IL1RAPL1: variants seen among roughly 807,000 people sequenced by gnomAD.
IL1RAPL1 encodes the protein interleukin-1 receptor accessory protein-like 1.
A neutral mutation model predicts 48.4 loss-of-function variants in IL1RAPL1; 3 were observed. The observed-to-expected ratio is 0.06, with a 90% CI of 0.03 to 0.16. The LOEUF (loss-of-function observed/expected upper bound fraction) is 0.16. Ranked by LOEUF, IL1RAPL1 falls within the 10% of genes least tolerant of loss-of-function variation. The pLI, the probability that IL1RAPL1 is intolerant of heterozygous loss-of-function variation, is 1.00. For missense variants in IL1RAPL1, 349 were observed against 530.6 expected, an observed-to-expected ratio of 0.66 and a Z score of 3.36; for synonymous variants, 185 against 187.7, an observed-to-expected ratio of 0.99 and a Z score of 0.12.
At chrX:28,986,940 G>T (rs1601997357) in intron 2 of IL1RAPL1, among the ~76,000 whole-genome samples, 1 of 111,998 alleles carries the variant, frequency 8.9e-6, no homozygotes, top group East Asian at 2.8e-4. Flanking sequence ...TATATGCAAA[G>T]TTCTGTTTCA....
At chrX:29,499,490 AT>A (rs1165634997) in intron 5 of IL1RAPL1, among the ~76,000 whole-genome samples, 1 of 111,859 alleles carries the variant, frequency 8.9e-6, no homozygotes, top group East Asian at 2.8e-4. Context: ...TAGAACTGTT[AT>A]TCACATATTT....
intron 5 of IL1RAPL1, among the ~76,000 whole-genome samples, chrX:29,431,430 G>A (rs369433074): frequency 1.8e-5 from 2 of 111,950 alleles, no homozygotes; most frequent in African/African-American, 3.2e-5. Flanking sequence ...TAGATTTCTT[G>A]TGCTGCAGTA....
intron 2 of IL1RAPL1, among the ~76,000 whole-genome samples, chrX:28,925,814 G>A (rs1323707105): frequency 1.8e-5 from 2 of 111,040 alleles, no homozygotes; most frequent in African/African-American, 6.6e-5. Flanking sequence ...CCAGCTACTC[G>A]GGAGGCTGAG....
chrX:29,432,681 TA>T (rs1458355951), intron 5 of IL1RAPL1, among the ~76,000 whole-genome samples: 3 of 111,841 alleles, frequency 2.7e-5, no homozygotes, highest in Non-Finnish European at 5.7e-5. Flanking sequence ...AAGGAATAGA[TA>T]AGTGGAGAGA....
At chrX:28,872,528 C>T (rs1922233265) in intron 2 of IL1RAPL1, among the ~76,000 whole-genome samples, 1 of 112,043 alleles carries the variant, frequency 8.9e-6, no homozygotes, top group African/African-American at 3.2e-5. Flanking sequence ...AACTCTGGGC[C>T]CACTGCCTAG....
chrX:29,178,663 C>T (rs1930080348), intron 2 of IL1RAPL1, among the ~76,000 whole-genome samples: 1 of 111,723 alleles, frequency 9.0e-6, no homozygotes, highest in Admixed American at 9.6e-5. Context: ...GTCATGAAGT[C>T]CTTGCCCATG....
At chrX:29,055,798 A>C (rs1033435247) in intron 2 of IL1RAPL1, among the ~76,000 whole-genome samples, 1 of 112,062 alleles carries the variant, frequency 8.9e-6, no homozygotes, top group Admixed American at 9.5e-5. Context: ...CACAGTGTAT[A>C]GCTTATAAGT....
intron 2 of IL1RAPL1, among the ~76,000 whole-genome samples, chrX:28,824,467 C>T (rs748158337): frequency 2.1e-4 from 23 of 110,574 alleles, no homozygotes; most frequent in Non-Finnish European, 4.0e-4. Flanking sequence ...TGTCTCAACC[C>T]CTTTTAAATT....
At chrX:29,006,990 G>T (rs1397378888) in intron 2 of IL1RAPL1, among the ~76,000 whole-genome samples, 1 of 110,865 alleles carries the variant, frequency 9.0e-6, no homozygotes, top group Admixed American at 9.7e-5. Flanking sequence ...TCAAAATTTG[G>T]AATTTGACTC....
chrX:29,817,919 T>C (rs1930531530), intron 6 of IL1RAPL1, among the ~76,000 whole-genome samples: 1 of 111,898 alleles, frequency 8.9e-6, no homozygotes, highest in South Asian at 3.7e-4. Context: ...AAAGGTAACC[T>C]ATTTTTTCTT....
At chrX:29,759,064 A>G (rs1432482272) in intron 6 of IL1RAPL1, among the ~76,000 whole-genome samples, 1 of 112,485 alleles carries the variant, frequency 8.9e-6, no homozygotes, top group East Asian at 2.8e-4. Flanking sequence ...TACATTGGAC[A>G]GTAATGTCAT....
intron 2 of IL1RAPL1, among the ~76,000 whole-genome samples, chrX:29,085,583 C>T (rs977691952): frequency 4.5e-5 from 5 of 112,070 alleles, no homozygotes; most frequent in Non-Finnish European, 7.5e-5. Context: ...CTTTTAAAAT[C>T]AGAGCATACC....
At chrX:29,768,934 C>T (rs531506246) in intron 6 of IL1RAPL1, among the ~76,000 whole-genome samples, 3 of 111,146 alleles carry the variant, frequency 2.7e-5, no homozygotes, top group Admixed American at 1.9e-4. Context: ...CTGCTCAGGC[C>T]GCATCATCTT....
At chrX:29,838,214 A>T (rs1008805985) in intron 6 of IL1RAPL1, among the ~76,000 whole-genome samples, 5 of 112,150 alleles carry the variant, frequency 4.5e-5, no homozygotes, top group Non-Finnish European at 7.5e-5. Context: ...CTCCAGTATG[A>T]TTCATACTTC....
chrX:29,793,661 A>G (rs1929682491), intron 6 of IL1RAPL1, among the ~76,000 whole-genome samples: 1 of 112,013 alleles, frequency 8.9e-6, no homozygotes, highest in Non-Finnish European at 1.9e-5. Flanking sequence ...AATCATTATC[A>G]CAAAAATGAT....
chrX:28,678,579 A>G (rs917647892), intron 1 of IL1RAPL1, among the ~76,000 whole-genome samples: 1 of 111,713 alleles, frequency 9.0e-6, no homozygotes, highest in African/African-American at 3.3e-5. Context: ...CTAAAGTCCC[A>G]ATAGACCATA....
chrX:29,749,724 AG>A (rs1383866527), intron 6 of IL1RAPL1, among the ~76,000 whole-genome samples: 1 of 112,396 alleles, frequency 8.9e-6, no homozygotes, highest in Non-Finnish European at 1.9e-5. Flanking sequence ...TACAATGTTT[AG>A]GAAGTGTCGT....
At chrX:29,593,442 T>A (rs1056460203) in intron 5 of IL1RAPL1, among the ~76,000 whole-genome samples, 15 of 111,967 alleles carry the variant, frequency 1.3e-4, no homozygotes, top group Non-Finnish European at 1.9e-4. Flanking sequence ...TTGTATAGAG[T>A]ACATCACTCT....
chrX:29,802,912 T>C (rs1341728861), intron 6 of IL1RAPL1, among the ~76,000 whole-genome samples: 3 of 54,938 alleles, frequency 5.5e-5, no homozygotes, highest in East Asian at 1.4e-3. Context: ...TGTGTATATA[T>C]GTGTACATAT....
Sources: gnomAD v4.1 joint callset for allele counts (sites outside exome capture counted in the v4.1 genomes callset) on GRCh38, gnomAD v4.1.1 for gene constraint, MANE v1.5 for transcripts, NCBI Gene and HGNC (gene_info 2026-07-23, HGNC 2026-07-21) for gene names.